The following TACC1 variants were observed in gnomAD, a reference collection of about 807,000 sequenced individuals.
TACC1 encodes the protein transforming acidic coiled-coil containing protein 1.
In TACC1, 48 loss-of-function variants were observed where a neutral mutation model predicts 84.4. That is an observed-to-expected ratio of 0.57 (90% CI 0.45 to 0.72). The LOEUF (loss-of-function observed/expected upper bound fraction) is 0.72. TACC1 is among the 30% of genes least tolerant of loss of function. The pLI is 0.00. For missense variants in TACC1, 920 were observed against 973.0 expected (o/e 0.95, Z 0.72); for synonymous variants, 372 against 376.3 (o/e 0.99, Z 0.13).
intron 3 of TACC1, among the ~76,000 whole-genome samples, chr8:38,772,155 G>C (rs1219186038): frequency 6.6e-6 from 1 of 152,154 alleles, no homozygotes; most frequent in African/African-American, 2.4e-5. Context: ...GCAGTCCTTG[G>C]TGGTGGCTTA....
At chr8:38,757,322 A>G in intron 3 of TACC1, 2 of 1,266,656 alleles carry the variant, frequency 1.6e-6, no homozygotes, top group Non-Finnish European at 2.0e-6. Flanking sequence ...CCCGGCCCCA[A>G]GTTCTGCGCC....
intron 3 of TACC1, among the ~76,000 whole-genome samples, chr8:38,770,978 T>C (rs2151887730): frequency 6.6e-6 from 1 of 152,254 alleles, no homozygotes; most frequent in African/African-American, 2.4e-5. Context: ...GGAATGCCTC[T>C]ACCAGTTGTC....
chr8:38,779,146 T>A (rs888990056), intron 3 of TACC1, among the ~76,000 whole-genome samples: 1 of 152,052 alleles, frequency 6.6e-6, no homozygotes, highest in Non-Finnish European at 1.5e-5. Context: ...GGCTACTTTT[T>A]AATTTTTTTA....
intron 3 of TACC1, among the ~76,000 whole-genome samples, chr8:38,822,086 T>A (rs557163088): frequency 1.8e-4 from 27 of 151,634 alleles, no homozygotes; most frequent in African/African-American, 5.8e-4. Flanking sequence ...CTTAAAAAAA[T>A]TTTTTTTAAT....
In TACC1 at chr8:38,836,224, C is replaced by T. The variant is rs781052335; in HGVS notation, c.1776C>T (p.Pro592=). Residue 592 remains proline, a synonymous_variant, in exon 7 of 13, where the codon CCC becomes CCT. Transcript: ENST00000317827. ...CGGTGTCCTGTGGAGGTGAGAGCCC[C>T]CTGGATGGGATCTGCCTCAGCGAAT... ...PVSVSCGGES[P]LDGICLSESD... is the part of the protein sequence containing the mutation. 8.7e-6 allele frequency: 14 copies of T among 1,613,270 alleles called. No individual in the cohort carries two copies. The highest frequency in any genetic ancestry group is 3.3e-4 in the Middle Eastern group (2 of 6,062).
chr8:38,818,978 A>G (rs1044175265), intron 2 of TACC1, among the ~76,000 whole-genome samples: 1 of 152,130 alleles, frequency 6.6e-6, no homozygotes, highest in Non-Finnish European at 1.5e-5. Flanking sequence ...GGGTTTCACC[A>G]TGTTGGCCAG....
At chr8:38,831,930 C>T (rs140194724) in intron 6 of TACC1, among the ~76,000 whole-genome samples, 2 of 152,322 alleles carry the variant, frequency 1.3e-5, no homozygotes, top group East Asian at 3.9e-4. Context: ...CCTCAGCCTC[C>T]TCAGTAGCTG....
chr8:38,762,346 A>G (rs1472922621), intron 3 of TACC1, among the ~76,000 whole-genome samples: 1 of 152,214 alleles, frequency 6.6e-6, no homozygotes, highest in Admixed American at 6.5e-5. Flanking sequence ...TGACTACTGT[A>G]GGTACCTCAT....
intron 5 of TACC1, among the ~76,000 whole-genome samples, chr8:38,829,012 G>A (rs1027989404): frequency 2.1e-4 from 32 of 152,158 alleles, no homozygotes; most frequent in African/African-American, 7.7e-4. Context: ...CAGGGTGGAA[G>A]CCTCTTATTG....
rs533037922 is a variant in TACC1 at position 38,795,472 on chromosome 8, C to T, written c.277+6653C>T. Among the ~76,000 whole-genome samples, 40 of 152,264 alleles carry T rather than the reference C, an allele frequency of 2.6e-4. No individual in the cohort carries two copies. The South Asian group carries it at 4.1e-3, about 16-fold the overall frequency. On this transcript the variant is annotated intron_variant, in intron 2 of 12. Coordinates refer to ENST00000317827, the MANE Select transcript of TACC1 (RefSeq NM_006283.3). ...CTACCTGTGTATGTGTTTTGGGAGC[C>T]GGCAGTCCTTCTAAAATTATATTGC...
At chr8:38,768,128 AG>A (rs1156780214) in intron 3 of TACC1, among the ~76,000 whole-genome samples, 1 of 148,966 alleles carries the variant, frequency 6.7e-6, no homozygotes, top group Non-Finnish European at 1.5e-5. Context: ...AGGTAGGGGA[AG>A]GGAAGGGAGG....
intron 3 of TACC1, among the ~76,000 whole-genome samples, chr8:38,757,699 G>A (rs1810381505): frequency 6.6e-6 from 1 of 151,974 alleles, no homozygotes; most frequent in Non-Finnish European, 1.5e-5. Flanking sequence ...CCCCGGCCTC[G>A]TCCAAGCAGA....
At chr8:38,774,317 C>T (rs529681553) in intron 3 of TACC1, among the ~76,000 whole-genome samples, 17 of 152,192 alleles carry the variant, frequency 1.1e-4, no homozygotes, top group Non-Finnish European at 2.2e-4. Context: ...TTACTAAGCT[C>T]ACTAATATGC....
intron 1 of TACC1, among the ~76,000 whole-genome samples, chr8:38,730,219 C>A (rs1426065086): frequency 6.6e-6 from 1 of 152,214 alleles, no homozygotes; most frequent in East Asian, 1.9e-4. Context: ...TGAATGATCG[C>A]CTTCTGCCCT....
chr8:38,785,762 A>C (rs1365382247), upstream of TACC1: 1 of 973,128 alleles, frequency 1.0e-6, no homozygotes, highest in African/African-American at 1.8e-5. Flanking sequence ...AAACTACAAC[A>C]GTTGGATAAG....
At chr8:38,755,340 G>C (rs1809798380) in intron 3 of TACC1, among the ~76,000 whole-genome samples, 1 of 152,032 alleles carries the variant, frequency 6.6e-6, no homozygotes, top group Non-Finnish European at 1.5e-5. Context: ...CATTCATTCA[G>C]CAAATAGTTA....
intron 3 of TACC1, among the ~76,000 whole-genome samples, chr8:38,767,157 C>A (rs920755866): frequency 8.5e-5 from 13 of 152,312 alleles, no homozygotes; most frequent in African/African-American, 2.9e-4. Flanking sequence ...ATGGCTACAT[C>A]AGAATTGTTC....
intron 3 of TACC1, among the ~76,000 whole-genome samples, chr8:38,772,025 AAGAGAGAG>A (rs35335324): frequency 1.6e-4 from 24 of 148,604 alleles, no homozygotes; most frequent in African/African-American, 2.7e-4. Context: ...AAGAAAGAAA[AAGAGAGAG>A]AGAGAGAGAG....
intron 3 of TACC1, chr8:38,757,394 G>A: frequency 3.2e-6 from 4 of 1,254,312 alleles, no homozygotes; most frequent in Non-Finnish European, 2.1e-6. Flanking sequence ...AGGCACCCGA[G>A]ACCCACGGAG....
Sources: allele counts gnomAD v4.1 joint callset (sites outside exome capture counted in the v4.1 genomes callset), GRCh38; gene constraint gnomAD v4.1.1; transcripts MANE v1.5; gene names NCBI Gene and HGNC (gene_info 2026-07-23, HGNC 2026-07-21).